The following ELF5 variants were observed in gnomAD, a reference collection of about 807,000 sequenced individuals.
ELF5 encodes E74 like ETS transcription factor 5, also known as ETS-related transcription factor Elf-5.
In ELF5, 31 loss-of-function variants were observed where a neutral mutation model predicts 38.2. That is an observed-to-expected ratio of 0.81 (90% confidence interval 0.61 to 1.10). The LOEUF (loss-of-function observed/expected upper bound fraction) is 1.10. ELF5 is among the 50% of genes least tolerant of loss of function. The pLI is 0.00. For synonymous variants in ELF5, 121 were observed against 112.5 expected, an observed-to-expected ratio of 1.08 and a Z score of -0.48; for missense variants, 300 against 306.6, an observed-to-expected ratio of 0.98 and a Z score of 0.16.
intron 2 of ELF5, among the ~76,000 whole-genome samples, chr11:34,500,585 G>A (rs1042789012): frequency 1.3e-5 from 2 of 152,258 alleles, no homozygotes; most frequent in Non-Finnish European, 1.5e-5. Flanking sequence ...AGAGAGCCAA[G>A]CCCTGAGCAG....
chr11:34,509,627 AG>A (rs370695477), intron 1 of ELF5, among the ~76,000 whole-genome samples: 93 of 140,592 alleles, frequency 6.6e-4, no homozygotes, highest in Non-Finnish European at 1.1e-3. Flanking sequence ...GGGGGCAGGG[AG>A]GGGGTAGGAT....
Position 34,493,784 on chromosome 11 carries a change from A to G in ELF5, c.122-72T>C, listed in dbSNP as rs1349940568. The G allele has an allele frequency of 2.1e-5, 28 of 1,319,606 alleles. No individual in the cohort carries two copies. The Admixed American group carries it at 2.2e-4, about 11-fold the overall frequency. 81.7% of individuals were successfully genotyped at this position (1,319,606 alleles called of 1,614,324 possible). On this transcript the variant is annotated intron_variant, in intron 2 of 6. Transcript: ENST00000257832. ...CTTCGAGAGGGCCCCTGAAGGATGC[A>G]TCAGTTAAGTAACATCCTCATTCCT...
rs1856925679 is a variant in ELF5 at position 34,480,890 on chromosome 11, A to T, written c.553T>A (p.Trp185Arg). 6.2e-7 allele frequency: 1 copy of T among 1,613,922 alleles called. No individual in the cohort carries two copies. Among genetic ancestry groups the T allele is most frequent in the Non-Finnish European group, 8.5e-7 (1 of 1,180,022 alleles). ...SPEENCGILE[W>R]EDREQGIFRV... Reference sequence around the variant, plus strand: ...AAAATTCCTTGTTCCCTATCTTCCCATTCCAGAATGCCACAGTTTTCTTCA... The same window carrying T: ...AAAATTCCTTGTTCCCTATCTTCCCTTTCCAGAATGCCACAGTTTTCTTCA... The change falls in exon 6 of 7, where the codon TGG (tryptophan) becomes AGG (arginine). Residue 185 changes from tryptophan (W) to arginine (R), a missense_variant. Coordinates refer to ENST00000257832, the MANE Select transcript of ELF5 (RefSeq NM_001422.4).
intron 2 of ELF5, among the ~76,000 whole-genome samples, chr11:34,500,485 T>A (rs1363093352): frequency 6.6e-6 from 1 of 152,194 alleles, no homozygotes; most frequent in African/African-American, 2.4e-5. Context: ...TTAAGTCCAG[T>A]GCAGCATAGG....
chr11:34,501,383 C>T (rs546135980), intron 2 of ELF5, among the ~76,000 whole-genome samples: 2 of 152,198 alleles, frequency 1.3e-5, no homozygotes, highest in Admixed American at 1.3e-4. Context: ...GCAAAGGAGG[C>T]GCTGCATGTG....
chr11:34,491,716 A>G (rs1564978442), intron 3 of ELF5: 1 of 151,594 alleles, frequency 6.6e-6, no homozygotes, highest in Non-Finnish European at 1.5e-5. Context: ...AACTGGGATT[A>G]TAGGCACGCA....
intron 2 of ELF5, among the ~76,000 whole-genome samples, chr11:34,498,241 G>A (rs1223199189): frequency 6.6e-6 from 1 of 152,160 alleles, no homozygotes; most frequent in African/African-American, 2.4e-5. Flanking sequence ...AACAGGGCCA[G>A]GCATATGGCA....
At chr11:34,490,171 G>T (rs2231824) in intron 3 of ELF5, 112 bp from the exon 4 acceptor site, 2 of 1,216,602 alleles carry the variant, frequency 1.6e-6, no homozygotes, top group African/African-American at 1.5e-5. Context: ...TCTTGAGGTT[G>T]GTTACAATTT....
intron 2 of ELF5, among the ~76,000 whole-genome samples, chr11:34,501,240 C>G (rs370030039): frequency 2.0e-4 from 31 of 152,234 alleles, no homozygotes; most frequent in African/African-American, 5.8e-4. Context: ...GGACTGAAGC[C>G]CCATCTTCTC....
intron 1 of ELF5, among the ~76,000 whole-genome samples, chr11:34,507,699 G>C (rs1382123058): frequency 6.6e-6 from 1 of 152,164 alleles, no homozygotes; most frequent in East Asian, 1.9e-4. Flanking sequence ...ATCTGTGTTT[G>C]GTGGATTAAA....
At chr11:34,489,634 G>C (rs1027997393) in intron 4 of ELF5, among the ~76,000 whole-genome samples, 1 of 152,128 alleles carries the variant, frequency 6.6e-6, no homozygotes, top group African/African-American at 2.4e-5. Context: ...TGAACCACAA[G>C]GCTTCTAATA....
At chr11:34,509,901 C>G (rs1476475418) in intron 1 of ELF5, among the ~76,000 whole-genome samples, 1 of 151,588 alleles carries the variant, frequency 6.6e-6, no homozygotes, top group Non-Finnish European at 1.5e-5. Flanking sequence ...TCTTCAGTGT[C>G]AAATAAGGAA....
In ELF5 at chr11:34,493,488, G is replaced by A. The variant is rs766657108; in HGVS notation, c.346C>T (p.Arg116Cys). The A allele has an allele frequency of 1.4e-5, 23 of 1,613,368 alleles. No individual in the cohort carries two copies. The highest frequency in any genetic ancestry group is 1.2e-4 in the South Asian group (11 of 90,950). The change falls in exon 3 of 7, where the codon CGC (arginine) becomes TGC (cysteine). Residue 116 changes from arginine (R) to cysteine (C), a missense_variant. By Grantham distance (180) the Arg-to-Cys change is radical. Transcript: ENST00000257832. ...CCCTCTGAACACTGACCTTGTGTGCGGATGTTCTGGAGGATGAAGTACAGG... is the reference window on the plus strand; with the variant it reads ...CCCTCTGAACACTGACCTTGTGTGCAGATGTTCTGGAGGATGAAGTACAGG... The part of the protein sequence containing the change: ...EYLYFILQNI[R>C]TQGYSFFNDA...
chr11:34,500,537 A>G (rs1298374538), intron 2 of ELF5, among the ~76,000 whole-genome samples: 1 of 152,198 alleles, frequency 6.6e-6, no homozygotes, highest in African/African-American at 2.4e-5. Flanking sequence ...GCTGCAAAGT[A>G]GCCATGGCCT....
At chr11:34,505,477 C>T (rs1850588204) in intron 2 of ELF5, 152 bp downstream of exon 2, 1 of 1,186,154 alleles carries the variant, frequency 8.4e-7, no homozygotes, top group Non-Finnish European at 1.2e-6. Flanking sequence ...AGAGGTTGCC[C>T]TTCCTTCCAT....
chr11:34,506,803 A>C (rs1490102430), intron 1 of ELF5, among the ~76,000 whole-genome samples: 1 of 152,086 alleles, frequency 6.6e-6, no homozygotes. Flanking sequence ...TGTGAGCCAC[A>C]GAAACTGGCC....
chr11:34,505,648 A>G lies in ELF5; in HGVS notation c.102T>C (p.Pro34=), dbSNP rs1286849475. The change falls in exon 2 of 7, where the codon CCT becomes CCC. Residue 34 remains proline, a synonymous_variant. Coordinates refer to ENST00000257832, the MANE Select transcript of ELF5 (RefSeq NM_001422.4). The part of the protein sequence containing the change: ...TDLFSNEEYY[P]AFEHQTACDS... ...ACGCACCTGTCTGATGCTCAAAGGC[A>G]GGGTAGTACTCTTCATTGCTGAACA... The G allele has an allele frequency of 1.2e-6, 2 of 1,613,560 alleles. No individual in the cohort carries two copies.
intron 1 of ELF5, chr11:34,511,922 C>A: frequency 3.5e-6 from 1 of 287,452 alleles, no homozygotes; most frequent in Non-Finnish European, 6.6e-6. Flanking sequence ...GTTTACGGGC[C>A]AAATCATCAC....
intron 2 of ELF5, among the ~76,000 whole-genome samples, chr11:34,494,614 A>G (rs982969038): frequency 1.1e-4 from 16 of 152,140 alleles, no homozygotes; most frequent in Non-Finnish European, 7.4e-5. Flanking sequence ...TGCCTGGCCC[A>G]GGGGTAGAGA....
Sources: allele counts gnomAD v4.1 joint callset (sites outside exome capture counted in the v4.1 genomes callset), GRCh38; gene constraint gnomAD v4.1.1; transcripts MANE v1.5; gene names NCBI Gene and HGNC (gene_info 2026-07-23, HGNC 2026-07-21).